Variants in PAPPA observed in about 807,000 individuals in gnomAD.
PAPPA encodes pappalysin 1, also known as pappalysin-1.
PAPPA carries 60 observed loss-of-function variants against 164.0 expected under a neutral mutation model. That is an observed-to-expected ratio of 0.37 (90% confidence interval 0.30 to 0.45). The LOEUF is 0.45. Among genes scored for constraint, PAPPA ranks in the 20% least tolerant of loss-of-function variants. PAPPA has a pLI of 1.00. For missense variants in PAPPA, 1,782 were observed against 2,087.3 expected (o/e 0.85, Z 2.85); for synonymous variants, 875 against 814.1 (o/e 1.07, Z -1.27).
At chr9:116,278,012 T>C (rs906395045) in intron 9 of PAPPA, among the ~76,000 whole-genome samples, 3 of 152,200 alleles carry the variant, frequency 2.0e-5, no homozygotes, top group Admixed American at 6.5e-5. Flanking sequence ...CCAGAAACCC[T>C]ATGAGATAAA....
intron 21 of PAPPA, among the ~76,000 whole-genome samples, chr9:116,384,645 A>G (rs1846781907): frequency 1.3e-5 from 2 of 152,162 alleles, no homozygotes; most frequent in Admixed American, 6.5e-5. Flanking sequence ...GTCTTTGCAC[A>G]TAAAATACTT....
At chr9:116,198,056 A>C (rs750330621) in intron 2 of PAPPA, among the ~76,000 whole-genome samples, 30 of 152,198 alleles carry the variant, frequency 2.0e-4, no homozygotes, top group Non-Finnish European at 2.8e-4. Flanking sequence ...ATTTAAGCAT[A>C]AGACAAATCA....
intron 18 of PAPPA, among the ~76,000 whole-genome samples, chr9:116,363,758 G>A (rs1171806194): frequency 6.6e-6 from 1 of 152,204 alleles, no homozygotes; most frequent in East Asian, 1.9e-4. Context: ...AGCAAACAGA[G>A]AGTTATCACT....
At chr9:116,273,994 G>T (rs1331664627) in intron 9 of PAPPA, among the ~76,000 whole-genome samples, 3 of 152,050 alleles carry the variant, frequency 2.0e-5, no homozygotes, top group Non-Finnish European at 2.9e-5. Context: ...GAGGTATGGG[G>T]TGATGATCTA....
rs116502974 is a variant in PAPPA, at chr9:116,237,269, A to C, written c.2732+1632A>C. ...AGGAACAGCTGTTTAAGAACTCAGA[A>C]AGAGCACTTGGTTTGTGTTTGAGAA... On this transcript the variant is annotated intron_variant, in intron 7 of 21. Transcript: ENST00000328252. 4.8e-3 allele frequency among the ~76,000 whole-genome samples: 734 copies of C among 152,346 alleles called. 6 individuals carry two copies. Among genetic ancestry groups the C allele is most frequent in the African/African-American group, 0.016 (680 of 41,582 alleles).
intron 7 of PAPPA, among the ~76,000 whole-genome samples, chr9:116,242,798 G>T (rs1015088030): frequency 6.6e-6 from 1 of 152,204 alleles, no homozygotes; most frequent in Non-Finnish European, 1.5e-5. Context: ...TGTGTGCCAA[G>T]ACCTGCTATT....
At chr9:116,389,798 G>T (rs1381526254) in intron 21 of PAPPA, among the ~76,000 whole-genome samples, 3 of 150,368 alleles carry the variant, frequency 2.0e-5, no homozygotes, top group Non-Finnish European at 4.4e-5. Context: ...ACACTCATTT[G>T]CTTTGCCTTC....
chr9:116,385,457 T>G (rs979453339), intron 21 of PAPPA, among the ~76,000 whole-genome samples: 11 of 152,020 alleles, frequency 7.2e-5, no homozygotes, highest in Middle Eastern at 3.4e-3. Flanking sequence ...GATTCCAAAT[T>G]ATTATAGTAA....
intron 7 of PAPPA, among the ~76,000 whole-genome samples, chr9:116,256,926 T>A (rs1035062259): frequency 1.1e-4 from 16 of 146,706 alleles, no homozygotes; most frequent in African/African-American, 3.7e-4. Context: ...GACTATTTTT[T>A]AAAGTTTTTT....
intron 10 of PAPPA, among the ~76,000 whole-genome samples, chr9:116,326,363 G>A (rs1845920558): frequency 6.6e-6 from 1 of 152,080 alleles, no homozygotes; most frequent in Non-Finnish European, 1.5e-5. Context: ...AGCCACCCCA[G>A]GGACCAACTA....
intron 7 of PAPPA, among the ~76,000 whole-genome samples, chr9:116,248,661 C>G (rs917186759): frequency 6.6e-6 from 1 of 152,132 alleles, no homozygotes; most frequent in Admixed American, 6.5e-5. Context: ...TCCTGGATGG[C>G]ATTTTAACTT....
chr9:116,211,149 A>T (rs1339659313), intron 3 of PAPPA, among the ~76,000 whole-genome samples: 2 of 152,202 alleles, frequency 1.3e-5, no homozygotes, highest in Non-Finnish European at 2.9e-5. Flanking sequence ...AGATTCAGAG[A>T]TGCTAATTAC....
At position 116,188,393 on chromosome 9, in the gene PAPPA, G is replaced by A. The variant is rs112663055; in HGVS notation, c.1478+177G>A. The stretch of plus-strand genomic sequence containing the variant: ...ATTGTGGAGACCATAGGTAAACCCA[G>A]TTTATTATAAAAATATTTATTGAGT... On this transcript the variant is annotated intron_variant, in intron 2 of 21. Transcript: ENST00000328252. 6.1e-4 allele frequency among the ~76,000 whole-genome samples: 93 copies of A among 152,274 alleles called. 1 individual carries two copies. Among genetic ancestry groups the A allele is most frequent in the African/African-American group, 1.9e-3 (81 of 41,558 alleles).
intron 9 of PAPPA, among the ~76,000 whole-genome samples, chr9:116,274,069 G>T (rs1309383604): frequency 7.0e-6 from 1 of 143,364 alleles, no homozygotes; most frequent in Non-Finnish European, 1.5e-5. Context: ...AGAGCTCACT[G>T]TGGTAAGCTA....
chr9:116,355,397 C>A (rs560796666), intron 17 of PAPPA, among the ~76,000 whole-genome samples: 1 of 152,338 alleles, frequency 6.6e-6, no homozygotes, highest in South Asian at 2.1e-4. Context: ...CAGTCAGAAT[C>A]CAGGTTCCCC....
rs1175603157 is a variant in PAPPA at position 116,399,224 on chromosome 9, G to C, written c.*2608G>C. ...TGACTTGTATCTTCAGACTCACAGA[G>C]TGAATTCAGCTCTTCTGAATCAAGA... On this transcript the variant is annotated 3_prime_UTR_variant, in exon 22 of 22. Coordinates refer to ENST00000328252, the MANE Select transcript of PAPPA (RefSeq NM_002581.5). 6.5e-6 allele frequency: 1 copy of C among 153,120 alleles called. No homozygotes were observed. Among genetic ancestry groups the C allele is most frequent in the Non-Finnish European group, 1.5e-5 (1 of 68,544 alleles). 9.5% of individuals were successfully genotyped at this position (153,120 alleles called of 1,614,324 possible).
intron 2 of PAPPA, among the ~76,000 whole-genome samples, chr9:116,199,241 G>T (rs187339126): frequency 6.6e-6 from 1 of 152,122 alleles, no homozygotes; most frequent in African/African-American, 2.4e-5. Flanking sequence ...TTTTCCTATG[G>T]GTTAGCCTTC....
chr9:116,302,795 G>C lies in PAPPA; in HGVS notation c.2992G>C (p.Val998Leu). The change falls in exon 10 of 22, where the codon GTA becomes CTA. Residue 998 changes from valine (V) to leucine (L), a missense_variant. This residue lies in a region of PAPPA where 1,324 missense variants were observed against 1,656.9 expected (regional missense o/e 0.80). Transcript: ENST00000328252. ...SRCYFHDGDG[V>L]CEEFEQKTSI... is the part of the protein sequence containing the mutation. ...GTGCTATTTCCATGATGGTGATGGG[G>C]TATGTGAGGAGTTTGAACAAAAAAC... The C allele has an allele frequency of 6.2e-7, 1 of 1,613,924 alleles. No homozygotes were observed. Among genetic ancestry groups the C allele is most frequent in the South Asian group, 1.1e-5 (1 of 91,060 alleles).
chr9:116,391,007 T>A (rs1397028383), intron 21 of PAPPA, among the ~76,000 whole-genome samples: 1 of 152,154 alleles, frequency 6.6e-6, no homozygotes, highest in African/African-American at 2.4e-5. Context: ...TTTTTACAGA[T>A]AGAGAAACTG....
Sources: allele counts gnomAD v4.1 joint callset (sites outside exome capture counted in the v4.1 genomes callset), GRCh38; gene constraint gnomAD v4.1.1; regional missense constraint gnomAD v4.1.1; transcripts MANE v1.5; gene names NCBI Gene and HGNC (gene_info 2026-07-23, HGNC 2026-07-21).